The following FRMPD4 variants were observed in gnomAD, a reference collection of about 807,000 sequenced individuals.
The protein encoded by FRMPD4 is FERM and PDZ domain-containing protein 4.
In FRMPD4, 22 loss-of-function variants were observed where a neutral mutation model predicts 94.1. That is an observed-to-expected ratio of 0.23 (90% CI 0.17 to 0.33). The LOEUF (loss-of-function observed/expected upper bound fraction) is 0.33, where lower values mean the gene tolerates loss of function less well. FRMPD4 is among the 10% of genes least tolerant of loss of function. The probability of loss-of-function intolerance (pLI) is 1.00; values close to 1 mark genes in which losing one functional copy is unlikely to be tolerated. For synonymous variants in FRMPD4, 631 were observed against 548.6 expected (o/e 1.15, Z -2.10); for missense variants, 1,111 against 1,339.9 (o/e 0.83, Z 2.67).
chrX:12,203,349 T>G (rs756913481), intron 1 of FRMPD4, among the ~76,000 whole-genome samples: 1 of 112,125 alleles, frequency 8.9e-6, no homozygotes, highest in South Asian at 3.7e-4. Flanking sequence ...AATGACTACC[T>G]AATATCTTAG....
At chrX:12,216,563 G>C (rs1304239109) in intron 1 of FRMPD4, among the ~76,000 whole-genome samples, 1 of 111,292 alleles carries the variant, frequency 9.0e-6, no homozygotes, top group Non-Finnish European at 1.9e-5. Context: ...CTATTGGTGT[G>C]ACTATCTTTG....
At chrX:12,506,283 T>A (rs763003416) in intron 2 of FRMPD4, among the ~76,000 whole-genome samples, 1 of 111,578 alleles carries the variant, frequency 9.0e-6, no homozygotes, top group South Asian at 3.8e-4. Context: ...GAGTTTTTTA[T>A]TTCCTATTTA....
At chrX:11,921,244 G>A (rs1276887426) in intron 3 of FRMPD4, among the ~76,000 whole-genome samples, 1 of 111,674 alleles carries the variant, frequency 9.0e-6, no homozygotes, top group Non-Finnish European at 1.9e-5. Context: ...CAGCAGGTAC[G>A]ATTTCTTCCA....
intron 1 of FRMPD4, among the ~76,000 whole-genome samples, chrX:12,309,363 A>G (rs2054995212): frequency 8.9e-6 from 1 of 112,172 alleles, no homozygotes; most frequent in African/African-American, 3.2e-5. Flanking sequence ...TGATTAAAAA[A>G]AATAAAAAAA....
chrX:12,659,180 C>A (rs1415702014), intron 4 of FRMPD4, among the ~76,000 whole-genome samples: 2 of 112,175 alleles, frequency 1.8e-5, no homozygotes, highest in East Asian at 5.6e-4. Context: ...AGCTTCATAG[C>A]CAACTACCTT....
chrX:12,269,061 G>A (rs771574375), intron 1 of FRMPD4, among the ~76,000 whole-genome samples: 12 of 112,125 alleles, frequency 1.1e-4, no homozygotes, highest in Admixed American at 3.8e-4. Context: ...GGTAAAATTT[G>A]ACTGTTCTTT....
At chrX:12,636,982 G>A (rs2059448873) in intron 4 of FRMPD4, among the ~76,000 whole-genome samples, 1 of 111,977 alleles carries the variant, frequency 8.9e-6, no homozygotes, top group African/African-American at 3.2e-5. Context: ...TCTGGGATGA[G>A]TAATTTCTCC....
chrX:12,660,192 G>A (rs936751198), intron 4 of FRMPD4, among the ~76,000 whole-genome samples: 5 of 112,223 alleles, frequency 4.5e-5, no homozygotes, highest in South Asian at 3.7e-4. Flanking sequence ...AATTCAAGTC[G>A]TTGGTTATAT....
Position 11,904,161 on chromosome X carries a change from G to A in FRMPD4, c.95+26143G>A, listed in dbSNP as rs901903147. On this transcript the variant is annotated intron_variant, in intron 3 of 18. Coordinates refer to the FRMPD4 transcript ENST00000640291. ...TGTAGAAGCACTGCCAATTTATTTT[G>A]AAATAATCACATTTATCCCCTCTGT... Among the ~76,000 whole-genome samples the A allele has an allele frequency of 2.7e-5, 3 of 111,845 alleles. No homozygotes were observed. The East Asian group carries it at 8.4e-4, about 31-fold the overall frequency.
chrX:11,847,762 C>G (rs1054059250), intron 1 of FRMPD4, among the ~76,000 whole-genome samples: 4 of 106,816 alleles, frequency 3.7e-5, no homozygotes, highest in African/African-American at 1.4e-4. Context: ...AATCATCATT[C>G]TCAGTAAACT....
At chrX:12,609,692 T>C (rs1168057013) in intron 2 of FRMPD4, 29 bp from the exon 3 acceptor site, 2 of 1,175,745 alleles carry the variant, frequency 1.7e-6, no homozygotes, top group East Asian at 5.9e-5. Flanking sequence ...ATTGATGCCT[T>C]GTTTCTCTTG....
chrX:12,447,217 CT>C (rs1283744059), intron 1 of FRMPD4, among the ~76,000 whole-genome samples: 1 of 111,814 alleles, frequency 8.9e-6, no homozygotes, highest in East Asian at 2.8e-4. Context: ...AACCTCGGCA[CT>C]GTTGATATTT....
chrX:12,663,930 T>G (rs1228523450), intron 4 of FRMPD4, among the ~76,000 whole-genome samples: 1 of 111,869 alleles, frequency 8.9e-6, no homozygotes, highest in African/African-American at 3.3e-5. Context: ...CCCTTGTAAG[T>G]TGTATTCCTA....
At chrX:12,259,076 A>G (rs757141661) in intron 1 of FRMPD4, among the ~76,000 whole-genome samples, 34 of 112,101 alleles carry the variant, frequency 3.0e-4, no homozygotes, top group Non-Finnish European at 6.0e-4. Flanking sequence ...CAATGGCTTA[A>G]CCAAATACTA....
intron 1 of FRMPD4, among the ~76,000 whole-genome samples, chrX:12,231,042 ATATAT>A (rs2056996945): frequency 1.6e-5 from 1 of 63,191 alleles, no homozygotes; most frequent in African/African-American, 6.5e-5. Context: ...ATATATATAT[ATATAT>A]AAAATATATA....
chrX:12,389,473 C>CA (rs56111163), intron 1 of FRMPD4, among the ~76,000 whole-genome samples: 24,766 of 91,890 alleles, frequency 0.27, 2,685 homozygotes, highest in Non-Finnish European at 0.33. Context: ...AGATCCATCT[C>CA]AAAAAAAAAA....
At chrX:12,268,609 ATAGCCTATAAT>A (rs1321620837) in intron 1 of FRMPD4, among the ~76,000 whole-genome samples, 1 of 112,093 alleles carries the variant, frequency 8.9e-6, no homozygotes, top group African/African-American at 3.2e-5. Context: ...AGTGATAGGC[ATAGCCTATAAT>A]GGCCTCTCTG....
intron 1 of FRMPD4, among the ~76,000 whole-genome samples, chrX:12,141,535 G>A (rs193235454): frequency 4.5e-5 from 5 of 110,144 alleles, no homozygotes; most frequent in African/African-American, 1.3e-4. Flanking sequence ...CCTTTTAATC[G>A]TGGGAAAAAT....
chrX:12,545,742 C>T (rs1226087521), intron 2 of FRMPD4, among the ~76,000 whole-genome samples: 1 of 112,437 alleles, frequency 8.9e-6, no homozygotes, highest in Non-Finnish European at 1.9e-5. Flanking sequence ...TGCAAGAAGA[C>T]AGGCAGGGAG....
Sources: allele counts gnomAD v4.1 joint callset (sites outside exome capture counted in the v4.1 genomes callset), GRCh38; gene constraint gnomAD v4.1.1; transcripts MANE v1.5; gene names NCBI Gene and HGNC (gene_info 2026-07-23, HGNC 2026-07-21).